Variants in EP400 observed in about 807,000 individuals in gnomAD.
EP400 encodes the protein E1A binding protein p400.
Under a neutral mutation model 354.1 loss-of-function variants are expected in EP400, and 105 were observed. That is an observed-to-expected ratio of 0.30 (90% confidence interval 0.25 to 0.35). The LOEUF is 0.35. Among genes scored for constraint, EP400 ranks in the 10% least tolerant of loss-of-function variants. The pLI, the probability that EP400 is intolerant of heterozygous loss-of-function variation, is 1.00. For synonymous variants in EP400, 1,646 were observed against 1,716.9 expected (o/e 0.96, Z 1.02); for missense variants, 3,280 against 4,121.0 (o/e 0.80, Z 5.59).
intron 35 of EP400, 100 bp from the exon 36 acceptor site, chr12:132,044,571 C>G (rs1895020736): frequency 1.4e-6 from 2 of 1,434,004 alleles, no homozygotes; most frequent in Admixed American, 1.9e-5. Context: ...TTGATCAGAA[C>G]TTATTTGAAA....
rs1219293431 is a variant in EP400, at chr12:132,027,944, TG to T, written c.5110-67del. The T allele has an allele frequency of 4.6e-6, 7 of 1,509,490 alleles. No individual in the cohort carries two copies. The highest frequency in any genetic ancestry group is 6.3e-6 in the Non-Finnish European group (7 of 1,105,954). 93.5% of individuals were successfully genotyped at this position (1,509,490 alleles called of 1,614,324 possible). ...CATATGTGGGAAATCACGGGCTGGG[TG>T]GGGGGTTGGTGAAGACAGGAACTTG... On this transcript the variant is annotated intron_variant, in intron 26 of 52. Coordinates refer to ENST00000389561, the MANE Select transcript of EP400 (RefSeq NM_015409.5). This position sits in a 1 kb window ranked among gnomAD's most constrained non-coding sequence, Gnocchi z 4.9.
chr12:131,991,937 C>T (rs905756481), intron 10 of EP400, among the ~76,000 whole-genome samples: 4 of 152,192 alleles, frequency 2.6e-5, no homozygotes, highest in African/African-American at 9.7e-5. Flanking sequence ...TAAACTGGTG[C>T]TTTATAGCCT....
intron 2 of EP400, among the ~76,000 whole-genome samples, chr12:131,971,601 A>G (rs868395792): frequency 2.7e-4 from 41 of 152,250 alleles, no homozygotes; most frequent in African/African-American, 9.1e-4. Context: ...TCTCACCAAC[A>G]GTGCACAAGG....
chr12:131,973,988 ATTTTTTTT>A (rs57974341), intron 2 of EP400, among the ~76,000 whole-genome samples: 12 of 128,750 alleles, frequency 9.3e-5, no homozygotes, highest in Non-Finnish European at 1.7e-5. Flanking sequence ...ATGTGTTTGT[ATTTTTTTT>A]TTTTTTTTTT....
At chr12:132,076,087 G>A (rs977950602) in intron 51 of EP400, 7 of 219,220 alleles carry the variant, frequency 3.2e-5, no homozygotes, top group East Asian at 1.0e-4. Flanking sequence ...GTGCGTCACC[G>A]GGTTCCCCAC....
intron 10 of EP400, among the ~76,000 whole-genome samples, chr12:131,991,732 C>T (rs1283297569): frequency 1.3e-5 from 2 of 151,910 alleles, no homozygotes; most frequent in Non-Finnish European, 2.9e-5. Flanking sequence ...AGGCGCACGC[C>T]ACCACACCTG....
In EP400 at chr12:132,027,452, G is replaced by T. The variant is rs368800722; in HGVS notation, c.5030G>T (p.Arg1677Leu). ...GCATTTGTAGTTGGCGTTCCGGGCC[G>T]CGTGGCGGTGAATGCCTTGGCTGTA... ...PLTPQVGVPG[R>L]VAVNALAVGE... is the part of the protein sequence containing the mutation. Residue 1677 changes from arginine to leucine, a missense_variant, in exon 26 of 53, where the codon CGC becomes CTC. Arg to Leu is a moderately radical substitution (Grantham distance 102). Around this residue, in one of 20 missense-constraint regions of EP400, gnomAD observed 459 missense variants for 496.9 expected, o/e 0.92. Transcript: ENST00000389561. The surrounding 1 kb of genome is among the most constrained non-coding windows in gnomAD (Gnocchi z 4.9). 4.3e-5 allele frequency: 70 copies of T among 1,613,960 alleles called. No individual in the cohort carries two copies. The highest frequency in any genetic ancestry group is 5.7e-5 in the Non-Finnish European group (67 of 1,180,030).
chr12:132,072,899 A>C (rs530646265), intron 51 of EP400, among the ~76,000 whole-genome samples: 7 of 152,316 alleles, frequency 4.6e-5, no homozygotes, highest in African/African-American at 1.7e-4. Context: ...GTCTTCAGTA[A>C]TATCTCTGGT....
intron 2 of EP400, chr12:131,963,446 T>G: frequency 3.0e-5 from 28 of 931,920 alleles, no homozygotes; most frequent in Non-Finnish European, 4.0e-5. Context: ...CAAATGTCAG[T>G]GAGCTATCAG....
chr12:132,008,919 CTTTTTTTTTT>C (rs774921042), intron 15 of EP400, among the ~76,000 whole-genome samples: 1 of 114,744 alleles, frequency 8.7e-6, no homozygotes, highest in African/African-American at 3.4e-5. Context: ...CGTGCCCAGC[CTTTTTTTTTT>C]TTTTTTTTTT....
At chr12:132,071,992 A>G (rs1050748692) in intron 51 of EP400, among the ~76,000 whole-genome samples, 2 of 152,206 alleles carry the variant, frequency 1.3e-5, no homozygotes, top group African/African-American at 2.4e-5. Flanking sequence ...GTGATGTTCA[A>G]TCATTGTGTT....
intron 2 of EP400, among the ~76,000 whole-genome samples, chr12:131,974,925 G>T (rs1186921878): frequency 6.8e-6 from 1 of 146,514 alleles, no homozygotes; most frequent in Non-Finnish European, 1.5e-5. Flanking sequence ...GGGAGGCAGA[G>T]GTTGCATTGA....
In EP400 at chr12:132,062,593, A is replaced by AACAGCAGCAG. The variant is rs1555223312; in HGVS notation, c.8226_8227insACAGCAGCAG (p.Gln2743ThrfsTer243). On this transcript the variant is annotated frameshift_variant, in exon 47 of 53. Coordinates refer to ENST00000389561, the MANE Select transcript of EP400 (RefSeq NM_015409.5). LOFTEE classifies it high-confidence loss of function. ...AGCAGCAGCAGCAGCAGCAGCAGCAACAGCAGCAGCAGCAACAGACGACGA... is the reference window on the plus strand; with the variant it reads ...AGCAGCAGCAGCAGCAGCAGCAGCAAACAGCAGCAGCAGCAGCAGCAGCAACAGACGACGA... 8.3e-7 allele frequency: 1 copy of AACAGCAGCAG among 1,211,038 alleles called. No individual in the cohort carries two copies. Among genetic ancestry groups the AACAGCAGCAG allele is most frequent in the Non-Finnish European group, 1.2e-6 (1 of 852,228 alleles). 75.0% of individuals were successfully genotyped at this position (1,211,038 alleles called of 1,614,324 possible).
chr12:132,031,759 G>A (rs1894510120), intron 29 of EP400, among the ~76,000 whole-genome samples, 194 bp from the exon 30 acceptor site: 2 of 152,018 alleles, frequency 1.3e-5, no homozygotes, highest in South Asian at 4.2e-4. Context: ...GTTTCGCCAT[G>A]TTAGCCAGGA....
Position 132,029,639 on chromosome 12 carries a change from C to T in EP400, c.5382-62C>T. ...GAAGTCTGCCCCATCTTTCAGGAGC[C>T]CCCATGCTGGGTGAAGGTGTGTGGC... On this transcript the variant is annotated intron_variant, in intron 27 of 52. Coordinates refer to ENST00000389561, the MANE Select transcript of EP400 (RefSeq NM_015409.5). This position sits in a 1 kb window ranked among gnomAD's most constrained non-coding sequence, Gnocchi z 4.7. The T allele has an allele frequency of 1.3e-6, 2 of 1,553,050 alleles. No homozygotes were observed. Among genetic ancestry groups the T allele is most frequent in the South Asian group, 2.3e-5 (2 of 87,070 alleles).
intron 45 of EP400, 42 bp downstream of exon 45, chr12:132,055,250 C>T (rs1895444865): frequency 7.0e-7 from 1 of 1,422,864 alleles, no homozygotes; most frequent in African/African-American, 1.5e-5. Context: ...TGACTGCATT[C>T]TGCCGAAATT....
At chr12:131,975,897 CATT>C (rs1453428531) in intron 2 of EP400, among the ~76,000 whole-genome samples, 1 of 152,016 alleles carries the variant, frequency 6.6e-6, no homozygotes, top group Non-Finnish European at 1.5e-5. Context: ...GATGGGGTCT[CATT>C]ATATTGCCCA....
chr12:132,018,405 G>C lies in EP400; in HGVS notation c.4277+29G>C. On this transcript the variant is annotated intron_variant, in intron 21 of 52. Coordinates refer to ENST00000389561, the MANE Select transcript of EP400 (RefSeq NM_015409.5). The surrounding 1 kb of genome is among the most constrained non-coding windows in gnomAD (Gnocchi z 4.0). The stretch of plus-strand genomic sequence containing the variant: ...CGTGCGACCCAGAGGCAGCGGGGAG[G>C]GTTGGCTCCCAGGGCCCCCACAGCT... 6.4e-7 allele frequency: 1 copy of C among 1,571,300 alleles called. No individual in the cohort carries two copies. The highest frequency in any genetic ancestry group is 2.2e-5 in the East Asian group (1 of 44,590).
At chr12:131,999,358 G>A (rs1046921398) in intron 12 of EP400, among the ~76,000 whole-genome samples, 1 of 152,162 alleles carries the variant, frequency 6.6e-6, no homozygotes, top group Non-Finnish European at 1.5e-5. Flanking sequence ...TGGACATAGT[G>A]TATAGGGTTC....
Sources: allele counts gnomAD v4.1 joint callset (sites outside exome capture counted in the v4.1 genomes callset), GRCh38; gene constraint gnomAD v4.1.1; regional missense constraint gnomAD v4.1.1; non-coding constraint Gnocchi (gnomAD v3.1); transcripts MANE v1.5; gene names NCBI Gene and HGNC (gene_info 2026-07-23, HGNC 2026-07-21).